Variants in ASH1L observed in about 807,000 individuals in gnomAD.
ASH1L encodes the protein ASH1 like histone lysine methyltransferase, also known as histone-lysine N-methyltransferase ASH1L.
Under a neutral mutation model 269.0 loss-of-function variants are expected in ASH1L, and 23 were observed. The ratio of observed to expected loss-of-function variants is 0.09; its 90% CI spans 0.06 to 0.12. The LOEUF is 0.12. Among genes scored for constraint, ASH1L ranks in the 10% least tolerant of loss-of-function variants. The pLI is 1.00. For missense variants in ASH1L, 2,912 were observed against 3,567.8 expected (o/e 0.82, Z 4.68); for synonymous variants, 1,187 against 1,253.5 (o/e 0.95, Z 1.12).
intron 20 of ASH1L, among the ~76,000 whole-genome samples, chr1:155,347,377 A>G (rs896457411): frequency 1.3e-5 from 2 of 152,216 alleles, no homozygotes; most frequent in East Asian, 3.8e-4. Context: ...ACCACACTCC[A>G]GTGTGGATGA....
chr1:155,499,779 G>A (rs1205567072), intron 2 of ASH1L, among the ~76,000 whole-genome samples: 1 of 152,056 alleles, frequency 6.6e-6, no homozygotes, highest in African/African-American at 2.4e-5. Flanking sequence ...TGAAAGTAAT[G>A]ATATTTAGGC....
chr1:155,382,589 T>C (rs1015225570), intron 7 of ASH1L, among the ~76,000 whole-genome samples: 1 of 152,172 alleles, frequency 6.6e-6, no homozygotes, highest in Non-Finnish European at 1.5e-5. Context: ...GAAGACATTA[T>C]TACCATATCA....
chr1:155,362,331 A>G (rs1409939157), intron 12 of ASH1L, among the ~76,000 whole-genome samples: 1 of 151,380 alleles, frequency 6.6e-6, no homozygotes, highest in Admixed American at 6.6e-5. Flanking sequence ...ACCGTGCTTG[A>G]CTTTGTTTTA....
At chr1:155,495,077 T>A (rs1247448121) in intron 2 of ASH1L, among the ~76,000 whole-genome samples, 2 of 152,168 alleles carry the variant, frequency 1.3e-5, no homozygotes, top group Non-Finnish European at 2.9e-5. Flanking sequence ...TCACTGGTAA[T>A]CATGCAACAG....
At chr1:155,522,309 C>T (rs2148846267) in intron 1 of ASH1L, among the ~76,000 whole-genome samples, 1 of 152,220 alleles carries the variant, frequency 6.6e-6, no homozygotes, top group South Asian at 2.1e-4. Context: ...AAAAATATTT[C>T]CAAACATCTA....
intron 1 of ASH1L, among the ~76,000 whole-genome samples, chr1:155,554,236 C>T (rs1378813705): frequency 6.6e-6 from 1 of 151,944 alleles, no homozygotes; most frequent in Non-Finnish European, 1.5e-5. Context: ...AGGTGGATGC[C>T]ACCACACTTG....
At chr1:155,411,586 A>AATAAATAAATAAATATATAT (rs1297131961) in intron 6 of ASH1L, among the ~76,000 whole-genome samples, 2 of 55,192 alleles carry the variant, frequency 3.6e-5, no homozygotes, top group African/African-American at 7.9e-5. Context: ...TAAATAAATA[A>AATAAATAAATAAATATATAT]ATATATATAT....
intron 2 of ASH1L, among the ~76,000 whole-genome samples, chr1:155,491,282 A>T (rs1281130762): frequency 6.6e-6 from 1 of 152,168 alleles, no homozygotes; most frequent in Non-Finnish European, 1.5e-5. Context: ...AAAAGGTTTT[A>T]AAAATTTTTA....
chr1:155,502,079 T>C (rs547986812), intron 2 of ASH1L, among the ~76,000 whole-genome samples: 6 of 149,612 alleles, frequency 4.0e-5, no homozygotes, highest in Non-Finnish European at 7.5e-5. Context: ...TTCTTTTTTT[T>C]TTTTTTTTTG....
chr1:155,400,540 A>T (rs1348736962), intron 6 of ASH1L, among the ~76,000 whole-genome samples: 1 of 152,206 alleles, frequency 6.6e-6, no homozygotes, highest in East Asian at 1.9e-4. Flanking sequence ...CTGAGGATCA[A>T]GGGTTGCCCA....
intron 2 of ASH1L, among the ~76,000 whole-genome samples, chr1:155,496,290 A>G (rs942421672): frequency 6.6e-6 from 1 of 152,200 alleles, no homozygotes; most frequent in Non-Finnish European, 1.5e-5. Flanking sequence ...GGTGACAGGA[A>G]TTTTTCAGCT....
At chr1:155,381,394 C>T (rs1324123659) in intron 7 of ASH1L, among the ~76,000 whole-genome samples, 1 of 150,908 alleles carries the variant, frequency 6.6e-6, no homozygotes, top group Non-Finnish European at 1.5e-5. Context: ...ATTAAAAATA[C>T]AAAAAATTAG....
intron 2 of ASH1L, among the ~76,000 whole-genome samples, chr1:155,512,752 C>A (rs1470978619): frequency 1.3e-5 from 2 of 151,810 alleles, no homozygotes; most frequent in Non-Finnish European, 2.9e-5. Context: ...AACAAAAAAA[C>A]ACATATCAAG....
chr1:155,545,175 CAAAAAAAAAAAA>C (rs10624841), intron 1 of ASH1L, among the ~76,000 whole-genome samples: 81 of 21,776 alleles, frequency 3.7e-3, no homozygotes, highest in Admixed American at 0.013. Flanking sequence ...TCCATCTCAC[CAAAAAAAAAAAA>C]AAAAAAAAAA....
chr1:155,563,057 C>T (rs1672162260), upstream of ASH1L: 1 of 458,892 alleles, frequency 2.2e-6, no homozygotes. Context: ...GCGGACCGAG[C>T]CCCACGACAA....
At chr1:155,503,721 G>C (rs1036092514) in intron 2 of ASH1L, among the ~76,000 whole-genome samples, 9 of 152,146 alleles carry the variant, frequency 5.9e-5, no homozygotes, top group African/African-American at 2.2e-4. Flanking sequence ...CCTCTTCCCT[G>C]TAAGTCCTTA....
chr1:155,367,727 T>C (rs1312633090), intron 12 of ASH1L, among the ~76,000 whole-genome samples: 4 of 152,202 alleles, frequency 2.6e-5, no homozygotes, highest in Non-Finnish European at 5.9e-5. Context: ...TTGTCTTTAG[T>C]CCATTATTGT....
In ASH1L at chr1:155,349,586, C is replaced by T. The variant is rs1026550919; in HGVS notation, c.7377G>A (p.Arg2459=). 1 of 1,613,586 alleles carries T rather than the reference C, an allele frequency of 6.2e-7. No individual in the cohort carries two copies. The highest frequency in any genetic ancestry group is 1.3e-5 in the African/African-American group (1 of 74,812). ...DGIISYKDSS[R]QALAAPLLNL... Reference sequence around the variant, plus strand: ...TCAAAAGTGGAGCTGCCAGTGCTTGCCGGGAAGAATCTGCAAAAGAATGTG... The same window carrying T: ...TCAAAAGTGGAGCTGCCAGTGCTTGTCGGGAAGAATCTGCAAAAGAATGTG... The change falls in exon 18 of 28, where the codon CGG becomes CGA. Residue 2459 remains arginine, a synonymous_variant. Transcript: ENST00000392403.
At chr1:155,549,380 G>A (rs929786121) in intron 1 of ASH1L, among the ~76,000 whole-genome samples, 1 of 152,144 alleles carries the variant, frequency 6.6e-6, no homozygotes, top group African/African-American at 2.4e-5. Flanking sequence ...GCTCACGCCT[G>A]TAATCCCAGC....
Sources: gnomAD v4.1 joint callset for allele counts (sites outside exome capture counted in the v4.1 genomes callset) on GRCh38, gnomAD v4.1.1 for gene constraint, MANE v1.5 for transcripts, NCBI Gene and HGNC (gene_info 2026-07-23, HGNC 2026-07-21) for gene names.